The following AGO1 variants were observed in gnomAD, a reference collection of about 807,000 sequenced individuals.
The protein encoded by AGO1 is protein argonaute-1.
In AGO1, 11 loss-of-function variants were observed where a neutral mutation model predicts 109.2. The observed-to-expected ratio is 0.10, with a 90% CI of 0.06 to 0.17. AGO1 has a LOEUF of 0.17. Among genes scored for constraint, AGO1 ranks in the 10% least tolerant of loss-of-function variants. AGO1 has a pLI of 1.00. For missense variants in AGO1, 574 were observed against 1,140.3 expected (o/e 0.50, Z 7.15); for synonymous variants, 422 against 418.6 (o/e 1.01, Z -0.10).
At position 35,917,842 on chromosome 1, in the gene AGO1, G is replaced by A; in HGVS notation, c.2163+115G>A. ...AGTCCTTGTCCTATCTATCCTCCCT[G>A]GCCCCTTCCCTCCTCCTAGCTCTTG... On this transcript the variant is annotated intron_variant, in intron 16 of 18. Transcript: ENST00000373204. 2.8e-6 allele frequency: 4 copies of A among 1,429,654 alleles called. No homozygotes were observed. The South Asian group carries it at 4.2e-5, about 15-fold the overall frequency. 88.6% of individuals were successfully genotyped at this position (1,429,654 alleles called of 1,614,324 possible).
rs557498572 is a variant in AGO1, at chr1:35,874,631, A to C, written c.-201+4728A>C. 1.6e-4 allele frequency among the ~76,000 whole-genome samples: 25 copies of C among 152,328 alleles called. 1 individual carries two copies. In the South Asian group the frequency reaches 4.8e-3, roughly 29 times the overall value. On this transcript the variant is annotated intron_variant, in intron 1 of 18. Transcript: ENST00000373206. ...GTGTTCAAGTGAAAGGAGGAGTTGCACATCTCTTGCTTTAAGTCAGAAGCT... is the reference window on the plus strand; with the variant it reads ...GTGTTCAAGTGAAAGGAGGAGTTGCCCATCTCTTGCTTTAAGTCAGAAGCT...
Position 35,893,805 on chromosome 1 carries a change from T to C in AGO1, c.644T>C (p.Ile215Thr), listed in dbSNP as rs1415969084. The part of the protein sequence containing the change: ...RPAMWKMMLN[I>T]DVSATAFYKA... The stretch of plus-strand genomic sequence containing the variant: ...GCCATGTGGAAGATGATGCTCAACA[T>C]TGATGGTGAGTGGGGAGAGCTATGG... Residue 215 changes from isoleucine (I) to threonine (T), a missense_variant, in exon 5 of 19, where the codon ATT (isoleucine) becomes ACT (threonine). Ile to Thr is a moderately conservative substitution (Grantham distance 89). Coordinates refer to ENST00000373204, the MANE Select transcript of AGO1 (RefSeq NM_012199.5). The surrounding 1 kb of genome is among the most constrained non-coding windows in gnomAD (Gnocchi z 5.6). The C allele has an allele frequency of 6.2e-7, 1 of 1,612,780 alleles. No homozygotes were observed. The highest frequency in any genetic ancestry group is 8.5e-7 in the Non-Finnish European group (1 of 1,179,254).
intron 13 of AGO1, 32 bp from the exon 14 acceptor site, chr1:35,914,152 C>A: frequency 6.2e-7 from 1 of 1,608,426 alleles, no homozygotes. Flanking sequence ...AGACCCAGCG[C>A]CTCACCATTT....
chr1:35,905,613 C>T (rs977302718), intron 11 of AGO1, among the ~76,000 whole-genome samples: 4 of 152,006 alleles, frequency 2.6e-5, no homozygotes, highest in African/African-American at 9.7e-5. Context: ...ATTACAGGCA[C>T]TCACCACCAT....
At chr1:35,917,327 C>G (rs1374188536) in intron 15 of AGO1, among the ~76,000 whole-genome samples, 1 of 152,158 alleles carries the variant, frequency 6.6e-6, no homozygotes, top group Non-Finnish European at 1.5e-5. Flanking sequence ...GGTATTAGGT[C>G]TCTTTATACA....
intron 12 of AGO1, among the ~76,000 whole-genome samples, chr1:35,910,246 T>C (rs529038699): frequency 6.6e-6 from 1 of 151,254 alleles, no homozygotes; most frequent in Admixed American, 6.6e-5. Context: ...ATCCTCCTAG[T>C]GATGGTCAAA....
At chr1:35,878,340 C>T (rs187426955), upstream of AGO1, among the ~76,000 whole-genome samples, 240 of 150,972 alleles carry the variant, frequency 1.6e-3, 3 homozygotes, top group African/African-American at 5.3e-3. Context: ...CCGGCTCGGC[C>T]TCCCACAGTG....
intron 8 of AGO1, among the ~76,000 whole-genome samples, chr1:35,896,095 G>A (rs1362873956): frequency 6.6e-6 from 1 of 152,090 alleles, no homozygotes; most frequent in African/African-American, 2.4e-5. Context: ...TGCCTCCCGG[G>A]TTCAAGTGAT....
At chr1:35,887,000 C>G (rs562432764) in intron 1 of AGO1, among the ~76,000 whole-genome samples, 1 of 152,264 alleles carries the variant, frequency 6.6e-6, no homozygotes, top group South Asian at 2.1e-4. Flanking sequence ...TGTCCGTGAG[C>G]TTGTGTGCAA....
At chr1:35,918,210 G>A in intron 16 of AGO1, 112 bp from the exon 17 acceptor site, 11 of 837,804 alleles carry the variant, frequency 1.3e-5, no homozygotes, top group Non-Finnish European at 2.3e-5. Context: ...TCAGGGAATA[G>A]CAACTTTGGC....
chr1:35,876,562 G>A (rs1022529744), intron 1 of AGO1, among the ~76,000 whole-genome samples: 4 of 152,102 alleles, frequency 2.6e-5, no homozygotes, highest in East Asian at 3.8e-4. Context: ...CACTGTGCCC[G>A]GCTGGAAATC....
intron 11 of AGO1, among the ~76,000 whole-genome samples, chr1:35,902,999 CTTTTTTTTTTT>C (rs899277604): frequency 4.6e-5 from 5 of 108,806 alleles, no homozygotes; most frequent in African/African-American, 1.0e-4. Context: ...CACCTGGAGT[CTTTTTTTTTTT>C]TTTTTTTTTT....
At chr1:35,904,328 A>G (rs145488947) in intron 11 of AGO1, among the ~76,000 whole-genome samples, 2,192 of 152,072 alleles carry the variant, frequency 0.014, 23 homozygotes, top group South Asian at 0.025. Flanking sequence ...GATGGTCTCG[A>G]TCTCCTGACC....
rs1645274152 is a variant in AGO1 at position 35,894,147 on chromosome 1, G to A, written c.760G>A (p.Val254Ile). The change falls in exon 6 of 19, where the codon GTT becomes ATT. Residue 254 changes from valine (V) to isoleucine (I), a missense_variant. Val to Ile is a conservative substitution (Grantham distance 29). This residue lies in a region of AGO1 where 129 missense variants were observed against 243.0 expected (regional missense o/e 0.53). Coordinates refer to ENST00000373204, the MANE Select transcript of AGO1 (RefSeq NM_012199.5). ...CAAGCCCCTCACGGACTCTCAGCGC[G>A]TTCGCTTCACCAAGGAGATCAAGGG... ...QPKPLTDSQR[V>I]RFTKEIKGLK... 5 of 1,578,314 alleles carry A rather than the reference G, an allele frequency of 3.2e-6. No individual in the cohort carries two copies. The highest frequency in any genetic ancestry group is 2.2e-5 in the East Asian group (1 of 44,628).
intron 1 of AGO1, chr1:35,870,035 A>C (rs973228224): frequency 2.0e-5 from 3 of 151,854 alleles, no homozygotes; most frequent in Non-Finnish European, 4.4e-5. Context: ...TTTAATTTTT[A>C]ATTTTTATTT....
chr1:35,917,033 T>G (rs1645747512), intron 15 of AGO1, among the ~76,000 whole-genome samples: 1 of 152,248 alleles, frequency 6.6e-6, no homozygotes, highest in Non-Finnish European at 1.5e-5. Flanking sequence ...ACCCTCTGTA[T>G]CTGACATCCA....
chr1:35,901,387 G>A lies in AGO1; in HGVS notation c.1021-87G>A. On this transcript the variant is annotated intron_variant, in intron 8 of 18. Transcript: ENST00000373204. The surrounding 1 kb of genome is among the most constrained non-coding windows in gnomAD (Gnocchi z 4.8). ...GCAGTTCCCTTCCCCATGGCTGACAGCCAAGGTATCTTTCCTTATTGTGGG... is the reference window on the plus strand; with the variant it reads ...GCAGTTCCCTTCCCCATGGCTGACAACCAAGGTATCTTTCCTTATTGTGGG... The A allele has an allele frequency of 6.4e-7, 1 of 1,569,538 alleles. No individual in the cohort carries two copies. The highest frequency in any genetic ancestry group is 8.7e-7 in the Non-Finnish European group (1 of 1,151,780).
intron 1 of AGO1, among the ~76,000 whole-genome samples, chr1:35,884,398 G>A (rs1262834041): frequency 6.6e-6 from 1 of 152,196 alleles, no homozygotes; most frequent in East Asian, 1.9e-4. Context: ...CCTGGAAGGA[G>A]TTGTCTGCTT....
chr1:35,889,606 G>A (rs1047884739), intron 2 of AGO1, among the ~76,000 whole-genome samples: 3 of 152,110 alleles, frequency 2.0e-5, no homozygotes, highest in Non-Finnish European at 4.4e-5. Context: ...AGTGAAAAAT[G>A]TCTCCTTACT....
Sources: gnomAD v4.1 joint callset for allele counts (sites outside exome capture counted in the v4.1 genomes callset) on GRCh38, gnomAD v4.1.1 for gene constraint, gnomAD v4.1.1 regional missense constraint, Gnocchi (gnomAD v3.1) non-coding constraint, MANE v1.5 for transcripts, NCBI Gene and HGNC (gene_info 2026-07-23, HGNC 2026-07-21) for gene names.